The following ZFAND3 variants were observed in gnomAD, a reference collection of about 807,000 sequenced individuals.
The protein encoded by ZFAND3 is zinc finger AN1-type containing 3.
ZFAND3 carries 10 observed loss-of-function variants against 29.6 expected under a neutral mutation model. The observed-to-expected ratio is 0.34, with a 90% CI of 0.21 to 0.57. The LOEUF (loss-of-function observed/expected upper bound fraction) is 0.57. ZFAND3 is among the 20% of genes least tolerant of loss of function. The probability of loss-of-function intolerance (pLI) is 0.86; values close to 1 mark genes in which losing one functional copy is unlikely to be tolerated. For missense variants in ZFAND3, 230 were observed against 304.5 expected (o/e 0.76, Z 1.82); for synonymous variants, 128 against 112.6 (o/e 1.14, Z -0.87).
At chr6:38,125,978 G>A (rs1234522643) in intron 5 of ZFAND3, among the ~76,000 whole-genome samples, 1 of 152,046 alleles carries the variant, frequency 6.6e-6, no homozygotes, top group Non-Finnish European at 1.5e-5. Context: ...TTATTCAGAA[G>A]TTGAATGAGT....
chr6:38,003,035 A>G (rs1168018848), intron 2 of ZFAND3: 1 of 153,184 alleles, frequency 6.5e-6, no homozygotes, highest in Non-Finnish European at 1.5e-5. Flanking sequence ...ATGGTAGGCA[A>G]AGAATGTTAC....
intron 1 of ZFAND3, among the ~76,000 whole-genome samples, chr6:37,835,109 G>A (rs1029143680): frequency 5.9e-5 from 9 of 152,110 alleles, no homozygotes; most frequent in Admixed American, 5.2e-4. Context: ...TAAGCATTTT[G>A]CTTACGTTTC....
intron 4 of ZFAND3, among the ~76,000 whole-genome samples, chr6:38,112,952 C>T (rs771993278): frequency 2.0e-5 from 3 of 152,086 alleles, no homozygotes; most frequent in Non-Finnish European, 4.4e-5. Flanking sequence ...GTTTGCTTCT[C>T]GAAGAAATTA....
At chr6:37,934,634 C>T (rs187163268) in intron 2 of ZFAND3, among the ~76,000 whole-genome samples, 47 of 150,914 alleles carry the variant, frequency 3.1e-4, no homozygotes, top group African/African-American at 8.8e-4. Flanking sequence ...GTCAGGAGTT[C>T]GAGACTAGCC....
chr6:37,931,204 G>A (rs1761588065), intron 2 of ZFAND3, among the ~76,000 whole-genome samples: 1 of 152,138 alleles, frequency 6.6e-6, no homozygotes, highest in African/African-American at 2.4e-5. Context: ...AGGGACAGAG[G>A]AAGGATTCAC....
rs76352678 is a variant in ZFAND3 at position 37,958,741 on chromosome 6, C to G, written c.112+28742C>G. Among the ~76,000 whole-genome samples, 36 of 152,166 alleles carry G rather than the reference C, an allele frequency of 2.4e-4. No individual in the cohort carries two copies. The South Asian group carries it at 4.8e-3, about 20-fold the overall frequency. ...GCTTGGCTTTTCAGGACCGCCCCCC[C>G]CTTCCCCACCCACCGACGGACAAAA... On this transcript the variant is annotated intron_variant, in intron 2 of 5. Transcript: ENST00000287218.
chr6:37,954,251 C>G (rs1455947346), intron 2 of ZFAND3, among the ~76,000 whole-genome samples: 1 of 151,830 alleles, frequency 6.6e-6, no homozygotes, highest in Non-Finnish European at 1.5e-5. Context: ...GACCTGTGGG[C>G]TTATACATTT....
At chr6:38,036,859 C>T (rs1763668426) in intron 2 of ZFAND3, among the ~76,000 whole-genome samples, 1 of 152,158 alleles carries the variant, frequency 6.6e-6, no homozygotes, top group Admixed American at 6.5e-5. Context: ...AGCAATCCTC[C>T]TGCCTTGGCC....
At position 37,925,359 on chromosome 6, in the gene ZFAND3, T is replaced by C. The variant is rs534163456; in HGVS notation, c.72-4600T>C. ...GAGATCTATTTGTAAGTAGAACTAA[T>C]GCATCTTGCTGAGTGTTGTATCTGT... On this transcript the variant is annotated intron_variant, in intron 1 of 5. Coordinates refer to ENST00000287218, the MANE Select transcript of ZFAND3 (RefSeq NM_021943.3). Among the ~76,000 whole-genome samples the C allele has an allele frequency of 2.9e-3, 435 of 152,278 alleles. 2 individuals are homozygous for C. Among genetic ancestry groups the C allele is most frequent in the African/African-American group, 9.9e-3 (413 of 41,558 alleles).
In ZFAND3 at chr6:37,951,964, G is replaced by A. The variant is rs570500522; in HGVS notation, c.112+21965G>A. On this transcript the variant is annotated intron_variant, in intron 2 of 5. Transcript: ENST00000287218. ...AAGATGCATTTATTGAGATGTTCAC[G>A]TGGTTTTTCTTTTTAGTTCTGTTAA... Among the ~76,000 whole-genome samples the A allele has an allele frequency of 9.2e-5, 14 of 152,292 alleles. 1 individual carries two copies. The South Asian group carries it at 1.9e-3, about 20-fold the overall frequency.
At chr6:38,134,358 T>C (rs1000163678) in intron 5 of ZFAND3, among the ~76,000 whole-genome samples, 1 of 152,214 alleles carries the variant, frequency 6.6e-6, no homozygotes, top group African/African-American at 2.4e-5. Flanking sequence ...CGGTGAATTA[T>C]ATTGATTTTA....
intron 5 of ZFAND3, among the ~76,000 whole-genome samples, chr6:38,125,194 A>C (rs539696829): frequency 6.6e-6 from 1 of 152,236 alleles, no homozygotes; most frequent in African/African-American, 2.4e-5. Flanking sequence ...TTACCTAAAC[A>C]TAAGTATGCT....
intron 2 of ZFAND3, among the ~76,000 whole-genome samples, chr6:38,035,553 C>G (rs141882308): frequency 1.2e-4 from 18 of 152,124 alleles, no homozygotes; most frequent in African/African-American, 4.1e-4. Context: ...TAGACACTGA[C>G]GAAATAGTAA....
intron 1 of ZFAND3, among the ~76,000 whole-genome samples, chr6:37,885,640 T>C (rs1246875936): frequency 6.6e-6 from 1 of 152,126 alleles, no homozygotes; most frequent in Non-Finnish European, 1.5e-5. Flanking sequence ...CAAGACTCTG[T>C]CTCAAAATAA....
chr6:38,021,000 A>G (rs544218340), intron 2 of ZFAND3, among the ~76,000 whole-genome samples: 1 of 152,346 alleles, frequency 6.6e-6, no homozygotes, highest in African/African-American at 2.4e-5. Flanking sequence ...AGTGTTTTAT[A>G]CTTATATGAA....
At chr6:37,923,512 C>T (rs1471765536) in intron 1 of ZFAND3, among the ~76,000 whole-genome samples, 1 of 152,172 alleles carries the variant, frequency 6.6e-6, no homozygotes, top group Non-Finnish European at 1.5e-5. Context: ...CTACTTCTTC[C>T]TCTTCTTTTT....
intron 2 of ZFAND3, among the ~76,000 whole-genome samples, chr6:38,037,034 A>G (rs1403609115): frequency 1.3e-5 from 2 of 152,224 alleles, no homozygotes; most frequent in Admixed American, 6.5e-5. Context: ...TAACACACCA[A>G]GTTGCTTCAG....
intron 3 of ZFAND3, among the ~76,000 whole-genome samples, chr6:38,073,564 CAG>C (rs1210876731): frequency 6.6e-6 from 1 of 152,094 alleles, no homozygotes; most frequent in Non-Finnish European, 1.5e-5. Context: ...AAAAACAAAA[CAG>C]TGTCTAAAAT....
At chr6:37,926,217 C>T (rs1388456633) in intron 1 of ZFAND3, among the ~76,000 whole-genome samples, 1 of 152,142 alleles carries the variant, frequency 6.6e-6, no homozygotes, top group African/African-American at 2.4e-5. Flanking sequence ...ATACATAACC[C>T]TTGTATATTA....
Sources: allele counts gnomAD v4.1 joint callset (sites outside exome capture counted in the v4.1 genomes callset), GRCh38; gene constraint gnomAD v4.1.1; transcripts MANE v1.5; gene names NCBI Gene and HGNC (gene_info 2026-07-23, HGNC 2026-07-21).